Variants in ZMAT5 observed in about 807,000 individuals in gnomAD.
ZMAT5 encodes the protein zinc finger matrin-type protein 5.
A neutral mutation model predicts 28.0 loss-of-function variants in ZMAT5; 23 were observed. The observed-to-expected ratio is 0.82, with a 90% CI of 0.59 to 1.16. The LOEUF (loss-of-function observed/expected upper bound fraction) is 1.16. Among genes scored for constraint, ZMAT5 ranks in the 50% most tolerant of loss-of-function variants. ZMAT5 has a pLI of 0.00. For synonymous variants in ZMAT5, 76 were observed against 84.1 expected (o/e 0.90, Z 0.52); for missense variants, 173 against 212.7 (o/e 0.81, Z 1.16).
In ZMAT5 at chr22:29,753,979, C is replaced by T. The variant is rs1485099132; in HGVS notation, c.-27-5408G>A. ...TCCTCTGGACACATGCAGCGCCCTG[C>T]CAGACACACAACTTGGCAAGCAGAA... On this transcript the variant is annotated intron_variant, in intron 1 of 5. Coordinates refer to ENST00000344318, the MANE Select transcript of ZMAT5 (RefSeq NM_001003692.2). Among the ~76,000 whole-genome samples the T allele has an allele frequency of 2.0e-5, 3 of 152,098 alleles. No individual in the cohort carries two copies. In the East Asian group the frequency reaches 5.8e-4, roughly 29 times the overall value.
At chr22:29,748,689 C>T in intron 1 of ZMAT5, 118 bp from the exon 2 acceptor site, 1 of 1,317,804 alleles carries the variant, frequency 7.6e-7, no homozygotes. Context: ...TGCACCCCGC[C>T]CCATTAGGAG....
At chr22:29,750,006 C>T (rs1399427810) in intron 1 of ZMAT5, among the ~76,000 whole-genome samples, 3 of 152,240 alleles carry the variant, frequency 2.0e-5, no homozygotes, top group East Asian at 1.9e-4. Flanking sequence ...AATGTGAGAA[C>T]GGACTAATAC....
chr22:29,751,294 G>A (rs1262757501), intron 1 of ZMAT5, among the ~76,000 whole-genome samples: 1 of 152,166 alleles, frequency 6.6e-6, no homozygotes, highest in Non-Finnish European at 1.5e-5. Context: ...CCTTGGGCAA[G>A]TCACTTCCTG....
intron 5 of ZMAT5, among the ~76,000 whole-genome samples, chr22:29,735,077 G>GGGGGCT (rs1253664665): frequency 3.3e-5 from 5 of 152,246 alleles, no homozygotes; most frequent in African/African-American, 4.8e-5. Context: ...GTAGCCTTGC[G>GGGGGCT]GGGGCTGGGG....
intron 5 of ZMAT5, among the ~76,000 whole-genome samples, chr22:29,733,872 C>T (rs2067878206): frequency 6.6e-6 from 1 of 152,256 alleles, no homozygotes; most frequent in African/African-American, 2.4e-5. Context: ...CTCACACACA[C>T]TGGCACACTG....
intron 1 of ZMAT5, among the ~76,000 whole-genome samples, chr22:29,755,361 G>C (rs2068090746): frequency 2.8e-5 from 1 of 35,246 alleles, no homozygotes; most frequent in African/African-American, 2.0e-4. Context: ...GAGGGAGGGA[G>C]GGAGGGGGAG....
chr22:29,740,321 C>G (rs1046574052), intron 4 of ZMAT5, among the ~76,000 whole-genome samples: 1 of 152,044 alleles, frequency 6.6e-6, no homozygotes, highest in Admixed American at 6.6e-5. Context: ...GGGTATGCTG[C>G]CTGATTGAGG....
intron 1 of ZMAT5, among the ~76,000 whole-genome samples, chr22:29,753,726 C>T (rs1296714894): frequency 6.6e-6 from 1 of 152,078 alleles, no homozygotes; most frequent in Admixed American, 6.6e-5. Flanking sequence ...AAAGAACCAG[C>T]TGTGCAGAGC....
At chr22:29,755,951 C>T (rs1295998611) in intron 1 of ZMAT5, among the ~76,000 whole-genome samples, 1 of 152,254 alleles carries the variant, frequency 6.6e-6, no homozygotes, top group Non-Finnish European at 1.5e-5. Flanking sequence ...TCCCACTGTC[C>T]TGCCGTGAGG....
intron 1 of ZMAT5, among the ~76,000 whole-genome samples, chr22:29,757,010 G>A (rs1475029704): frequency 6.6e-6 from 1 of 152,066 alleles, no homozygotes; most frequent in African/African-American, 2.4e-5. Context: ...CTACACTCCA[G>A]CCTGGGCGAC....
At chr22:29,749,823 G>A (rs898376497) in intron 1 of ZMAT5, among the ~76,000 whole-genome samples, 2 of 152,052 alleles carry the variant, frequency 1.3e-5, no homozygotes, top group African/African-American at 2.4e-5. Flanking sequence ...GGGGCTCTTC[G>A]TGCTTTGCTC....
intron 1 of ZMAT5, among the ~76,000 whole-genome samples, chr22:29,761,024 C>T (rs558400477): frequency 1.5e-4 from 23 of 152,190 alleles, no homozygotes; most frequent in Middle Eastern, 3.4e-3. Context: ...CCTGTAATCC[C>T]AGCACTTTGG....
intron 5 of ZMAT5, among the ~76,000 whole-genome samples, chr22:29,735,665 G>T (rs189736513): frequency 6.6e-6 from 1 of 152,324 alleles, no homozygotes; most frequent in African/African-American, 2.4e-5. Flanking sequence ...CCACCTCCTG[G>T]AGAGGTTAAG....
chr22:29,736,035 G>A (rs1165364116), intron 5 of ZMAT5, among the ~76,000 whole-genome samples: 1 of 152,214 alleles, frequency 6.6e-6, no homozygotes, highest in Non-Finnish European at 1.5e-5. Context: ...GGACACCATG[G>A]ACCCAGAGCA....
chr22:29,734,987 C>A (rs2067891002), intron 5 of ZMAT5, among the ~76,000 whole-genome samples: 1 of 152,130 alleles, frequency 6.6e-6, no homozygotes, highest in South Asian at 2.1e-4. Context: ...CTGGGGTGCC[C>A]AGGAGAGCCA....
intron 5 of ZMAT5, among the ~76,000 whole-genome samples, chr22:29,733,101 G>A (rs1334282274): frequency 6.6e-6 from 1 of 152,246 alleles, no homozygotes; most frequent in African/African-American, 2.4e-5. Context: ...ACGTGACCAA[G>A]TGACACCCTC....
At chr22:29,731,663 C>A (rs139093549) in intron 5 of ZMAT5, 1 of 317,792 alleles carries the variant, frequency 3.1e-6, no homozygotes, top group Admixed American at 5.6e-5. Flanking sequence ...GAATGCCATG[C>A]GGCCTGTGTA....
At chr22:29,760,375 C>CAAAAA (rs131280) in intron 1 of ZMAT5, among the ~76,000 whole-genome samples, 1 of 98,474 alleles carries the variant, frequency 1.0e-5, no homozygotes, top group South Asian at 3.8e-4. Context: ...TCCTCTGTCT[C>CAAAAA]AAAAAAAAAA....
At chr22:29,735,617 G>A (rs1340838049) in intron 5 of ZMAT5, among the ~76,000 whole-genome samples, 1 of 152,202 alleles carries the variant, frequency 6.6e-6, no homozygotes, top group African/African-American at 2.4e-5. Flanking sequence ...TCTCAAGTGA[G>A]GGCTAAGGGC....
Sources: gnomAD v4.1 joint callset for allele counts (sites outside exome capture counted in the v4.1 genomes callset) on GRCh38, gnomAD v4.1.1 for gene constraint, MANE v1.5 for transcripts, NCBI Gene and HGNC (gene_info 2026-07-23, HGNC 2026-07-21) for gene names.